SKIC3: variants seen among roughly 807,000 people sequenced by gnomAD.
SKIC3 encodes the protein SKI3 subunit of superkiller complex.
At chr5:95,504,118 A>G in the SKIC3 span, among the ~76,000 whole-genome samples, 1 of 150,672 alleles carries the variant, frequency 6.6e-6, no homozygotes, top group African/African-American at 2.4e-5. Flanking sequence ...GGGGTGGATC[A>G]CAAGGTCAGG....
chr5:95,551,768 A>T, the SKIC3 span, among the ~76,000 whole-genome samples: 2 of 152,202 alleles, frequency 1.3e-5, no homozygotes, highest in Admixed American at 1.3e-4. Flanking sequence ...GATCAAAGCC[A>T]TTAGGCCTTG....
At chr5:95,489,147 T>A in the SKIC3 span, among the ~76,000 whole-genome samples, 1 of 151,986 alleles carries the variant, frequency 6.6e-6, no homozygotes, top group Non-Finnish European at 1.5e-5. Context: ...CAAGACCTCA[T>A]TTCTAAAATA....
the SKIC3 span, among the ~76,000 whole-genome samples, chr5:95,476,855 G>A: frequency 6.6e-6 from 1 of 151,998 alleles, no homozygotes; most frequent in African/African-American, 2.4e-5. Context: ...TGTCAAATAG[G>A]GTTATTGTGA....
chr5:95,536,717 C>T, the SKIC3 span: 1 of 942,786 alleles, frequency 1.1e-6, no homozygotes, highest in Non-Finnish European at 1.7e-6. Context: ...ACAGAAACAA[C>T]ACCTTAAACA....
At chr5:95,469,949 G>T in the SKIC3 span, 1 of 1,600,682 alleles carries the variant, frequency 6.2e-7, no homozygotes, top group Non-Finnish European at 8.5e-7. Context: ...CAAAGATTTG[G>T]CATATTTATT....
chr5:95,466,466 C>T, the SKIC3 span, among the ~76,000 whole-genome samples: 8 of 152,328 alleles, frequency 5.3e-5, no homozygotes, highest in Admixed American at 2.6e-4. Flanking sequence ...GGACAGTACC[C>T]ACCCTCAACC....
At chr5:95,537,037 ACTT>A in the SKIC3 span, 1 of 1,613,020 alleles carries the variant, frequency 6.2e-7, no homozygotes, top group African/African-American at 1.3e-5. Context: ...TAAAAAATCA[ACTT>A]ACTTTGGATA....
chr5:95,544,634 G>A, the SKIC3 span, among the ~76,000 whole-genome samples: 1 of 152,018 alleles, frequency 6.6e-6, no homozygotes, highest in African/African-American at 2.4e-5. Context: ...CTAAACACTG[G>A]GGCCTTATTA....
the SKIC3 span, among the ~76,000 whole-genome samples, chr5:95,493,655 G>A: frequency 6.6e-6 from 1 of 151,862 alleles, no homozygotes; most frequent in East Asian, 1.9e-4. Flanking sequence ...CTATTTTGCA[G>A]CTTAATGAGG....
chr5:95,504,099 T>TGGGGGGA, the SKIC3 span, among the ~76,000 whole-genome samples: 10 of 7,872 alleles, frequency 1.3e-3, no homozygotes, highest in Admixed American at 0.012. Flanking sequence ...GGGTGGGGGG[T>TGGGGGGA]GGGGGGAGGG....
chr5:95,467,267 T>G, the SKIC3 span, among the ~76,000 whole-genome samples: 2 of 152,150 alleles, frequency 1.3e-5, no homozygotes, highest in Non-Finnish European at 2.9e-5. Context: ...AATAGAGAGA[T>G]ATATAAAAAT....
the SKIC3 span, chr5:95,514,747 A>C: frequency 8.7e-7 from 1 of 1,148,048 alleles, no homozygotes; most frequent in Non-Finnish European, 1.3e-6. Flanking sequence ...TGACTGGCAC[A>C]AAGTAAGCCC....
At chr5:95,509,532 A>T in the SKIC3 span, 1 of 1,277,088 alleles carries the variant, frequency 7.8e-7, no homozygotes, top group Non-Finnish European at 1.1e-6. Context: ...CCAGTCAGAG[A>T]TTCTCCAGGA....
the SKIC3 span, among the ~76,000 whole-genome samples, chr5:95,487,355 G>C: frequency 1.3e-5 from 2 of 152,042 alleles, no homozygotes; most frequent in South Asian, 2.1e-4. Flanking sequence ...ATACACCAAT[G>C]CTGCCATTCC....
the SKIC3 span, among the ~76,000 whole-genome samples, chr5:95,505,149 T>C: frequency 2.6e-5 from 4 of 152,234 alleles, no homozygotes; most frequent in South Asian, 2.1e-4. Context: ...AGAAACACTA[T>C]ATCTTTGAGA....
chr5:95,533,377 C>A, the SKIC3 span, among the ~76,000 whole-genome samples: 1 of 152,110 alleles, frequency 6.6e-6, no homozygotes, highest in African/African-American at 2.4e-5. Flanking sequence ...GAGGGCGGCT[C>A]AGACTTCAGA....
chr5:95,467,913 A>G, the SKIC3 span: 1 of 1,613,686 alleles, frequency 6.2e-7, no homozygotes, highest in Non-Finnish European at 8.5e-7. Context: ...CTCAGTAGGT[A>G]CCAACGTGCA....
chr5:95,502,956 G>A, the SKIC3 span: 1 of 1,613,922 alleles, frequency 6.2e-7, no homozygotes, highest in African/African-American at 1.3e-5. Context: ...GTCAAGATAT[G>A]GGCTTTGTCT....
chr5:95,539,553 C>T, the SKIC3 span, among the ~76,000 whole-genome samples: 2 of 152,004 alleles, frequency 1.3e-5, no homozygotes, highest in East Asian at 3.9e-4. Flanking sequence ...CCTTAAAGAA[C>T]TAAAAGTAGG....
Sources: gnomAD v4.1 joint callset for allele counts (sites outside exome capture counted in the v4.1 genomes callset) on GRCh38, gnomAD v4.1.1 for gene constraint, MANE v1.5 for transcripts, NCBI Gene and HGNC (gene_info 2026-07-23, HGNC 2026-07-21) for gene names.